CDH8: variants seen among roughly 807,000 people sequenced by gnomAD.
The protein encoded by CDH8 is cadherin-8.
A neutral mutation model predicts 68.1 loss-of-function variants in CDH8; 17 were observed. That is an observed-to-expected ratio of 0.25 (90% CI 0.17 to 0.37). The LOEUF (loss-of-function observed/expected upper bound fraction) is 0.37. Among genes scored for constraint, CDH8 ranks in the 10% least tolerant of loss-of-function variants. The pLI is 1.00. For missense variants in CDH8, 763 were observed against 999.3 expected (o/e 0.76, Z 3.19); for synonymous variants, 372 against 365.1 (o/e 1.02, Z -0.21).
At chr16:61,737,229 T>C (rs1959722192) in intron 8 of CDH8, among the ~76,000 whole-genome samples, 2 of 152,252 alleles carry the variant, frequency 1.3e-5, no homozygotes, top group South Asian at 4.1e-4. Context: ...ATAAACAGAC[T>C]TGCCTTTTCA....
At chr16:61,835,592 T>C (rs933070178) in intron 4 of CDH8, among the ~76,000 whole-genome samples, 10 of 152,002 alleles carry the variant, frequency 6.6e-5, no homozygotes, top group Admixed American at 3.9e-4. Flanking sequence ...TTGAGTTACA[T>C]TGAAATACTT....
chr16:61,811,872 T>C (rs757198789), intron 7 of CDH8, among the ~76,000 whole-genome samples: 5 of 152,106 alleles, frequency 3.3e-5, no homozygotes, highest in African/African-American at 7.2e-5. Context: ...TCAGAGAGGA[T>C]TGTGGTTGCC....
In CDH8 at chr16:61,831,151, A is replaced by C. The variant is rs184875507; in HGVS notation, c.668-5972T>G. On this transcript the variant is annotated intron_variant, in intron 4 of 11. Coordinates refer to ENST00000577390, the MANE Select transcript of CDH8 (RefSeq NM_001796.5). ...AGTAGTTCCAGATGAGAGAATACAAATGATTATATTTTAGAAGTTTCCCTG... is the reference window on the plus strand; with the variant it reads ...AGTAGTTCCAGATGAGAGAATACAACTGATTATATTTTAGAAGTTTCCCTG... 2.7e-3 allele frequency among the ~76,000 whole-genome samples: 408 copies of C among 151,880 alleles called. 2 individuals carry two copies. The highest frequency in any genetic ancestry group is 9.3e-3 in the African/African-American group (388 of 41,500).
chr16:61,676,019 T>C (rs1963900660), intron 10 of CDH8, among the ~76,000 whole-genome samples: 1 of 151,548 alleles, frequency 6.6e-6, no homozygotes, highest in East Asian at 1.9e-4. Flanking sequence ...CAAACACGAA[T>C]TGTAGACTTA....
At chr16:61,760,062 AC>A (rs1352599846) in intron 8 of CDH8, among the ~76,000 whole-genome samples, 1 of 152,040 alleles carries the variant, frequency 6.6e-6, no homozygotes, top group East Asian at 1.9e-4. Flanking sequence ...ATGGAGGAGA[AC>A]CAAAACAAAC....
rs757697377 is a variant in CDH8, at chr16:61,817,769, A to G, written c.1024-37T>C. ...TGACAAAGATAAATGCTTCTCACTA[A>G]TGACCACAGCAGCAAGAACAAATGA... On this transcript the variant is annotated intron_variant, in intron 6 of 11. Coordinates refer to ENST00000577390, the MANE Select transcript of CDH8 (RefSeq NM_001796.5). The G allele has an allele frequency of 7.8e-6, 12 of 1,528,778 alleles. 1 individual carries two copies. The South Asian group carries it at 1.4e-4, about 18-fold the overall frequency. 94.7% of individuals were successfully genotyped at this position (1,528,778 alleles called of 1,614,324 possible). A position where few individuals can be genotyped will look rare whatever the true frequency, so the allele number is the denominator to read the frequency against.
At chr16:62,030,214 G>A (rs1902291889) in intron 1 of CDH8, among the ~76,000 whole-genome samples, 1 of 152,190 alleles carries the variant, frequency 6.6e-6, no homozygotes, top group Admixed American at 6.5e-5. Context: ...ATACTATTGA[G>A]TTATGACCCA....
chr16:61,908,978 A>AT (rs773885581), intron 2 of CDH8, among the ~76,000 whole-genome samples: 20 of 152,150 alleles, frequency 1.3e-4, no homozygotes, highest in Admixed American at 1.3e-3. Context: ...GGTAATTCTC[A>AT]TATTATACCA....
chr16:62,009,552 T>G (rs1480706583), intron 2 of CDH8, among the ~76,000 whole-genome samples: 1 of 152,222 alleles, frequency 6.6e-6, no homozygotes, highest in Non-Finnish European at 1.5e-5. Flanking sequence ...CCTGTCTATG[T>G]GTACAGGTTT....
chr16:61,852,819 G>T, intron 4 of CDH8, among the ~76,000 whole-genome samples: 1 of 149,838 alleles, frequency 6.7e-6, no homozygotes, highest in African/African-American at 2.5e-5. Flanking sequence ...CATCCCTCCC[G>T]GCCTTCCCTT....
intron 3 of CDH8, among the ~76,000 whole-genome samples, chr16:61,900,592 G>A (rs1349340545): frequency 1.3e-5 from 2 of 152,122 alleles, no homozygotes; most frequent in Non-Finnish European, 2.9e-5. Flanking sequence ...ATGTGATGGA[G>A]TCTTCAATGA....
At chr16:61,839,832 C>T (rs1962645184) in intron 4 of CDH8, among the ~76,000 whole-genome samples, 1 of 152,092 alleles carries the variant, frequency 6.6e-6, no homozygotes, top group African/African-American at 2.4e-5. Context: ...AATGATGAGG[C>T]AAGTGTGAGC....
chr16:62,027,559 A>C (rs1485623506), intron 1 of CDH8, among the ~76,000 whole-genome samples: 2 of 152,206 alleles, frequency 1.3e-5, no homozygotes, highest in Non-Finnish European at 2.9e-5. Context: ...AATGACACAG[A>C]GGACCAGTGA....
chr16:61,952,362 T>C (rs28501070), intron 2 of CDH8, among the ~76,000 whole-genome samples: 2 of 152,128 alleles, frequency 1.3e-5, no homozygotes, highest in Non-Finnish European at 2.9e-5. Flanking sequence ...AGACTTATGG[T>C]TTTACTTATG....
chr16:61,865,246 T>C (rs2143020799), intron 3 of CDH8, among the ~76,000 whole-genome samples: 1 of 152,278 alleles, frequency 6.6e-6, no homozygotes, highest in South Asian at 2.1e-4. Flanking sequence ...ACCGGGGAAA[T>C]AAAATTCAGT....
At chr16:61,992,867 C>T (rs186857706) in intron 2 of CDH8, among the ~76,000 whole-genome samples, 1 of 152,260 alleles carries the variant, frequency 6.6e-6, no homozygotes, top group East Asian at 1.9e-4. Context: ...TGGCCCACTG[C>T]ATCCTTGACC....
chr16:62,008,297 A>T lies in CDH8; in HGVS notation c.252+12855T>A, dbSNP rs190935434. Among the ~76,000 whole-genome samples, 56 of 151,892 alleles carry T rather than the reference A, an allele frequency of 3.7e-4. 1 individual carries two copies. Among genetic ancestry groups the T allele is most frequent in the Non-Finnish European group, 7.4e-4 (50 of 67,966 alleles). ...ACTTTTGCTTTGTATTTTTGGATTT[A>T]TGTCTCACCCTCTATTTGCCACTTG... On this transcript the variant is annotated intron_variant, in intron 2 of 11. Transcript: ENST00000577390.
At chr16:61,708,073 T>C (rs553575573) in intron 10 of CDH8, among the ~76,000 whole-genome samples, 1 of 152,296 alleles carries the variant, frequency 6.6e-6, no homozygotes, top group South Asian at 2.1e-4. Context: ...AAAGGAAAGA[T>C]TCTACGCACG....
chr16:62,025,469 C>T (rs943468646), intron 1 of CDH8, among the ~76,000 whole-genome samples: 4 of 152,024 alleles, frequency 2.6e-5, no homozygotes, highest in Non-Finnish European at 4.4e-5. Context: ...GTGCAACTTC[C>T]CAATTTTCAG....
Sources: gnomAD v4.1 joint callset for allele counts (sites outside exome capture counted in the v4.1 genomes callset) on GRCh38, gnomAD v4.1.1 for gene constraint, MANE v1.5 for transcripts, NCBI Gene and HGNC (gene_info 2026-07-23, HGNC 2026-07-21) for gene names.